Variants in FRY observed in about 807,000 individuals in gnomAD.
FRY encodes the protein protein furry homolog.
Under a neutral mutation model 348.4 loss-of-function variants are expected in FRY, and 128 were observed. That is an observed-to-expected ratio of 0.37 (90% CI 0.32 to 0.43). The LOEUF is 0.43. Ranked by LOEUF, FRY falls within the 20% of genes least tolerant of loss-of-function variation. The pLI is 1.00. For synonymous variants in FRY, 1,370 were observed against 1,374.7 expected, an observed-to-expected ratio of 1.00 and a Z score of 0.08; for missense variants, 2,736 against 3,695.2, an observed-to-expected ratio of 0.74 and a Z score of 6.73.
intron 8 of FRY, among the ~76,000 whole-genome samples, chr13:32,133,276 T>C (rs1474780895): frequency 6.6e-6 from 1 of 152,170 alleles, no homozygotes; most frequent in Non-Finnish European, 1.5e-5. Flanking sequence ...AGCTCTGGCA[T>C]TTACCAGCTC....
chr13:32,289,887 G>A lies in FRY; in HGVS notation c.8580+144G>A. 3.6e-5 allele frequency: 25 copies of A among 685,322 alleles called. No homozygotes were observed. The South Asian group carries it at 3.7e-4, about 10-fold the overall frequency. The allele number at this position is 685,322 out of a possible 1,614,324, so 42.5% of individuals were successfully genotyped here. On this transcript the variant is annotated intron_variant, in intron 59 of 60. Transcript: ENST00000542859. ...TCAAACACAATTCTGAAATAAACAT[G>A]TCTTGTATGTATTTCTATTCTCATT...
intron 1 of FRY, among the ~76,000 whole-genome samples, chr13:32,052,961 A>C (rs1377329223): frequency 6.6e-6 from 1 of 152,146 alleles, no homozygotes; most frequent in Non-Finnish European, 1.5e-5. Flanking sequence ...TAAACGTACA[A>C]AAATTAGCCA....
At chr13:32,143,886 G>T (rs545231062) in intron 11 of FRY, among the ~76,000 whole-genome samples, 2 of 152,164 alleles carry the variant, frequency 1.3e-5, no homozygotes, top group Admixed American at 6.5e-5. Context: ...ATGGAGGTAG[G>T]ATTATCATCT....
At chr13:32,218,719 A>T in intron 35 of FRY, 30 bp from the exon 36 acceptor site, 1 of 1,319,802 alleles carries the variant, frequency 7.6e-7, no homozygotes, top group Non-Finnish European at 1.1e-6. Flanking sequence ...ACATGTTAAT[A>T]TTTCATTCTG....
At chr13:32,162,168 T>A (rs771054424) in intron 17 of FRY, among the ~76,000 whole-genome samples, 1 of 152,202 alleles carries the variant, frequency 6.6e-6, no homozygotes, top group African/African-American at 2.4e-5. Flanking sequence ...TTTGGACTGA[T>A]GAAATTTTAA....
intron 1 of FRY, among the ~76,000 whole-genome samples, chr13:32,070,557 G>GT (rs1566054454): frequency 9.9e-6 from 1 of 101,482 alleles, no homozygotes; most frequent in Non-Finnish European, 2.3e-5. Flanking sequence ...TTTTTTGATG[G>GT]GTTTTTTTTT....
rs1326658759 is a variant in FRY, at chr13:32,261,785, C to T, written c.7586C>T (p.Thr2529Ile). 1 of 1,614,200 alleles carries T rather than the reference C, an allele frequency of 6.2e-7. No homozygotes were observed. Among genetic ancestry groups the T allele is most frequent in the South Asian group, 1.1e-5 (1 of 91,082 alleles). The stretch of plus-strand genomic sequence containing the variant: ...GAATCATCCGAGGAGGAGGACCTCA[C>T]AGCCAGCCAGATCCTGGAGCACTCA... The part of the protein sequence containing the change: ...SDESSEEEDL[T>I]ASQILEHSDL... The change falls in exon 52 of 61, where the codon ACA (threonine) becomes ATA (isoleucine). Residue 2529 changes from threonine to isoleucine, a missense_variant. Physicochemically the swap from Thr to Ile is moderately conservative, Grantham distance 89. This residue lies in a region of FRY where 789 missense variants were observed against 996.2 expected (regional missense o/e 0.79). Coordinates refer to ENST00000542859, the MANE Select transcript of FRY (RefSeq NM_023037.3).
chr13:32,213,977 T>C (rs982007530), intron 35 of FRY, among the ~76,000 whole-genome samples: 1 of 152,238 alleles, frequency 6.6e-6, no homozygotes, highest in East Asian at 1.9e-4. Flanking sequence ...TATCTACCCA[T>C]ATATATCACA....
chr13:32,255,618 T>C (rs1887291708), intron 51 of FRY, among the ~76,000 whole-genome samples: 1 of 152,176 alleles, frequency 6.6e-6, no homozygotes, highest in African/African-American at 2.4e-5. Flanking sequence ...CATGTATCCT[T>C]AAAATAACTG....
chr13:32,037,251 G>C (rs534154008), intron 1 of FRY, among the ~76,000 whole-genome samples: 2 of 152,092 alleles, frequency 1.3e-5, no homozygotes, highest in Admixed American at 6.5e-5. Flanking sequence ...TCTTCTGTTA[G>C]GAGTATTTTA....
intron 1 of FRY, among the ~76,000 whole-genome samples, chr13:32,051,154 C>A (rs1368192958): frequency 1.3e-5 from 2 of 152,144 alleles, no homozygotes; most frequent in Non-Finnish European, 2.9e-5. Flanking sequence ...TTTGGGAGCT[C>A]AAAATTATTT....
chr13:32,294,037 C>T (rs897533984), intron 59 of FRY, among the ~76,000 whole-genome samples: 2 of 152,194 alleles, frequency 1.3e-5, no homozygotes, highest in Non-Finnish European at 2.9e-5. Context: ...GCATTTGAAC[C>T]CAGATCTACT....
At chr13:32,052,465 T>C (rs1873385354) in intron 1 of FRY, among the ~76,000 whole-genome samples, 1 of 152,226 alleles carries the variant, frequency 6.6e-6, no homozygotes, top group South Asian at 2.1e-4. Context: ...AGTTTTGTAA[T>C]AGCGACATTA....
rs867878486 is a variant in FRY, at chr13:32,237,863, G to A, written c.6295G>A (p.Gly2099Arg). 4.3e-6 allele frequency: 7 copies of A among 1,613,954 alleles called. No individual in the cohort carries two copies. The highest frequency in any genetic ancestry group is 5.1e-6 in the Non-Finnish European group (6 of 1,180,016). The change falls in exon 44 of 61, where the codon GGG becomes AGG. Residue 2099 changes from glycine to arginine, a missense_variant. Gly to Arg is a moderately radical substitution (Grantham distance 125). Around this residue, in one of 9 missense-constraint regions of FRY, gnomAD observed 789 missense variants for 996.2 expected, o/e 0.79. Transcript: ENST00000542859. This position sits in a 1 kb window ranked among gnomAD's most constrained non-coding sequence, Gnocchi z 6.3. The stretch of plus-strand genomic sequence containing the variant: ...ACAGCTGAAGTGGGCCGACTTCTCC[G>A]GGCTGCAGCAGCTGCTGCTGAAAGG... ...QAQLKWADFS[G>R]LQQLLLKGFT...
At chr13:32,206,250 G>A (rs967581180) in intron 31 of FRY, among the ~76,000 whole-genome samples, 8 of 152,142 alleles carry the variant, frequency 5.3e-5, no homozygotes, top group African/African-American at 1.4e-4. Flanking sequence ...AGACTGGTCC[G>A]AGGAAGAGCA....
At chr13:32,234,119 CAAAAAAAA>C (rs11322238) in intron 41 of FRY, among the ~76,000 whole-genome samples, 9 of 76,174 alleles carry the variant, frequency 1.2e-4, no homozygotes, top group Admixed American at 4.5e-4. Flanking sequence ...ACCCTGTTTC[CAAAAAAAA>C]AAAAAAAAAA....
chr13:32,179,568 G>A, intron 22 of FRY, 107 bp from the exon 23 acceptor site: 3 of 909,460 alleles, frequency 3.3e-6, no homozygotes, highest in Non-Finnish European at 5.2e-6. Context: ...CAGTGCCTTG[G>A]GATATGGTTC....
At chr13:32,067,891 T>G (rs1874362290) in intron 1 of FRY, among the ~76,000 whole-genome samples, 1 of 152,168 alleles carries the variant, frequency 6.6e-6, no homozygotes, top group Admixed American at 6.5e-5. Context: ...CAGATAAGAT[T>G]AGAAACAATT....
At chr13:32,068,018 A>T (rs1874370359) in intron 1 of FRY, among the ~76,000 whole-genome samples, 1 of 151,914 alleles carries the variant, frequency 6.6e-6, no homozygotes, top group Admixed American at 6.6e-5. Context: ...AGAAATGCAG[A>T]CTCTCCAGTC....
Sources: allele counts gnomAD v4.1 joint callset (sites outside exome capture counted in the v4.1 genomes callset), GRCh38; gene constraint gnomAD v4.1.1; regional missense constraint gnomAD v4.1.1; non-coding constraint Gnocchi (gnomAD v3.1); transcripts MANE v1.5; gene names NCBI Gene and HGNC (gene_info 2026-07-23, HGNC 2026-07-21).